Variants in GRM4 observed in about 807,000 individuals in gnomAD.
GRM4 encodes metabotropic glutamate receptor 4.
In GRM4, 28 loss-of-function variants were observed where a neutral mutation model predicts 81.7. That is an observed-to-expected ratio of 0.34 (90% CI 0.25 to 0.47). The LOEUF is 0.47. Ranked by LOEUF, GRM4 falls within the 20% of genes least tolerant of loss-of-function variation. The pLI is 1.00. For missense variants in GRM4, 948 were observed against 1,290.0 expected (o/e 0.73, Z 4.06); for synonymous variants, 488 against 528.8 (o/e 0.92, Z 1.06).
At chr6:34,082,724 G>A (rs1189184240) in intron 3 of GRM4, among the ~76,000 whole-genome samples, 10 of 152,258 alleles carry the variant, frequency 6.6e-5, no homozygotes, top group East Asian at 1.9e-4. Flanking sequence ...GGCAAGCACC[G>A]TATAGGTATT....
rs57261136 is a variant in GRM4, at chr6:34,131,975, G to GCA, written c.519+1001_519+1002dup. ...CAAACATGCACAAACACACACACAT[G>GCA]CACACACACACACACACAGAGCAAA... On this transcript the variant is annotated intron_variant, in intron 2 of 10. Coordinates refer to ENST00000538487, the MANE Select transcript of GRM4 (RefSeq NM_000841.4). 2.7e-3 allele frequency among the ~76,000 whole-genome samples: 398 copies of GCA among 149,508 alleles called. 7 individuals carry two copies. The highest frequency in any genetic ancestry group is 1.8e-3 in the African/African-American group (73 of 40,900).
intron 3 of GRM4, among the ~76,000 whole-genome samples, chr6:34,091,339 G>C (rs1330398268): frequency 1.3e-5 from 2 of 152,160 alleles, no homozygotes; most frequent in African/African-American, 2.4e-5. Flanking sequence ...GTACGAGGGG[G>C]AGACCTCGAG....
intron 1 of GRM4, among the ~76,000 whole-genome samples, chr6:34,137,304 G>A (rs1478305883): frequency 6.6e-6 from 1 of 152,238 alleles, no homozygotes; most frequent in African/African-American, 2.4e-5. Context: ...GCCAGGCATG[G>A]AGGAATGAGA....
At position 34,074,537 on chromosome 6, in the gene GRM4, CAGGAG is replaced by C; in HGVS notation, c.737-12514_737-12510del. ...AGAGCTGAGCCCTGCCGTCCCCTGC[CAGGAG>C]AGGAGGCTGCTGGGCGGCGCAGGCA... On this transcript the variant is annotated intron_variant, in intron 3 of 10. Coordinates refer to ENST00000538487, the MANE Select transcript of GRM4 (RefSeq NM_000841.4). This position sits in a 1 kb window ranked among gnomAD's most constrained non-coding sequence, Gnocchi z 4.9. Among the ~76,000 whole-genome samples, 1 of 139,806 alleles carries C rather than the reference CAGGAG, an allele frequency of 7.2e-6. No individual in the cohort carries two copies. Among genetic ancestry groups the C allele is most frequent in the East Asian group, 2.0e-4 (1 of 4,890 alleles). 91.7% of individuals were successfully genotyped at this position (139,806 alleles called of 152,430 possible).
At position 34,019,116 on chromosome 6, in the gene GRM4, C is replaced by T. The variant is rs529327610; in HGVS notation, c.*3705G>A. On this transcript the variant is annotated 3_prime_UTR_variant, in exon 11 of 11. Transcript: ENST00000538487. ...AGTGTGGGGGCAGCTGGCATGTGGCCCACTGAGACCTCTGTCCTGCCTGGC... is the reference window on the plus strand; with the variant it reads ...AGTGTGGGGGCAGCTGGCATGTGGCTCACTGAGACCTCTGTCCTGCCTGGC... 4 of 152,510 alleles carry T rather than the reference C, an allele frequency of 2.6e-5. No homozygotes were observed. The East Asian group carries it at 7.7e-4, about 29-fold the overall frequency. The allele number at this position is 152,510 out of a possible 1,614,324, so 9.4% of individuals were successfully genotyped here.
rs1245540610 is a variant in GRM4, at chr6:34,070,631, G to C, written c.737-8603C>G. Among the ~76,000 whole-genome samples, 1 of 152,008 alleles carries C rather than the reference G, an allele frequency of 6.6e-6. No homozygotes were observed. Among genetic ancestry groups the C allele is most frequent in the South Asian group, 2.1e-4 (1 of 4,820 alleles). Reference sequence around the variant, plus strand: ...AGGAGGGCAGGAGCTCGGAGGACAGGGGCCTCATCACTTAGCCAGGCCAGG... The same window carrying C: ...AGGAGGGCAGGAGCTCGGAGGACAGCGGCCTCATCACTTAGCCAGGCCAGG... On this transcript the variant is annotated intron_variant, in intron 3 of 10. Coordinates refer to ENST00000538487, the MANE Select transcript of GRM4 (RefSeq NM_000841.4). This position sits in a 1 kb window ranked among gnomAD's most constrained non-coding sequence, Gnocchi z 4.6.
chr6:34,072,543 ACT>A (rs1308290504), intron 3 of GRM4, among the ~76,000 whole-genome samples: 2 of 152,158 alleles, frequency 1.3e-5, no homozygotes, highest in African/African-American at 4.8e-5. Flanking sequence ...CCACACACAG[ACT>A]CACACATCAC....
intron 6 of GRM4, among the ~76,000 whole-genome samples, chr6:34,046,707 G>A (rs1037273875): frequency 4.6e-5 from 7 of 152,146 alleles, no homozygotes; most frequent in African/African-American, 1.7e-4. Context: ...CTGGGGCAGC[G>A]ATAGCATCTG....
Position 34,090,080 on chromosome 6 carries a change from T to C in GRM4, c.736+1803A>G, listed in dbSNP as rs1001637870. 9.9e-5 allele frequency among the ~76,000 whole-genome samples: 15 copies of C among 152,186 alleles called. No individual in the cohort carries two copies. The highest frequency in any genetic ancestry group is 3.4e-4 in the African/African-American group (14 of 41,444). On this transcript the variant is annotated intron_variant, in intron 3 of 10. Coordinates refer to ENST00000538487, the MANE Select transcript of GRM4 (RefSeq NM_000841.4). The surrounding 1 kb of genome is among the most constrained non-coding windows in gnomAD (Gnocchi z 5.2). The stretch of plus-strand genomic sequence containing the variant: ...TCAGCCTCTCTGTGCCTGCACTTCC[T>C]CTCCTGCAAAATGGGGATGAGGCAG...
chr6:34,051,273 T>C (rs1460277041), intron 6 of GRM4, among the ~76,000 whole-genome samples: 5 of 152,230 alleles, frequency 3.3e-5, no homozygotes, highest in Admixed American at 3.3e-4. Flanking sequence ...AGTTGCCTCA[T>C]CTGTAATGTG....
chr6:34,088,605 G>A (rs751718461), intron 3 of GRM4, among the ~76,000 whole-genome samples: 2 of 152,198 alleles, frequency 1.3e-5, no homozygotes, highest in Non-Finnish European at 2.9e-5. Flanking sequence ...AGCTGGAGGA[G>A]ACAGGGTGTA....
chr6:34,123,915 G>T (rs1247568205), intron 2 of GRM4, among the ~76,000 whole-genome samples: 2 of 152,166 alleles, frequency 1.3e-5, no homozygotes, highest in African/African-American at 2.4e-5. Context: ...CTGGGGGCTG[G>T]GGGGAGTAAC....
At chr6:34,094,816 G>A (rs1263562241) in intron 2 of GRM4, among the ~76,000 whole-genome samples, 2 of 152,170 alleles carry the variant, frequency 1.3e-5, no homozygotes, top group African/African-American at 4.8e-5. Flanking sequence ...CTCAACCCGG[G>A]CCACACAGCC....
intron 1 of GRM4, among the ~76,000 whole-genome samples, chr6:34,139,393 T>C (rs1461274962): frequency 6.6e-6 from 1 of 152,178 alleles, no homozygotes; most frequent in Non-Finnish European, 1.5e-5. Context: ...CAGTGTAAAC[T>C]TGGAGCAGAA....
At chr6:34,044,327 T>G (rs1396851858) in intron 6 of GRM4, among the ~76,000 whole-genome samples, 9 of 63,546 alleles carry the variant, frequency 1.4e-4, no homozygotes, top group South Asian at 5.3e-4. Context: ...CAGACACACA[T>G]ACACACAGAC....
intron 8 of GRM4, among the ~76,000 whole-genome samples, chr6:34,038,549 TGGA>T (rs931115965): frequency 7.2e-5 from 11 of 152,148 alleles, no homozygotes; most frequent in Non-Finnish European, 1.6e-4. Context: ...CCTGAGACCC[TGGA>T]GGAGGACAGT....
At chr6:34,030,026 C>A (rs555139429) in intron 9 of GRM4, among the ~76,000 whole-genome samples, 1 of 152,346 alleles carries the variant, frequency 6.6e-6, no homozygotes, top group African/African-American at 2.4e-5. Flanking sequence ...TACACTCTCA[C>A]CCCTGGGCAT....
intron 2 of GRM4, among the ~76,000 whole-genome samples, chr6:34,127,978 A>G (rs1220804662): frequency 6.6e-6 from 1 of 152,208 alleles, no homozygotes; most frequent in African/African-American, 2.4e-5. Context: ...CCCAGGGGGC[A>G]CATGCAGCCC....
Position 34,036,160 on chromosome 6 carries a change from G to T in GRM4, c.1950C>A (p.Gly650=). 7.4e-6 allele frequency: 12 copies of T among 1,614,226 alleles called. No homozygotes were observed. The highest frequency in any genetic ancestry group is 9.3e-6 in the Non-Finnish European group (11 of 1,180,032). ...TFLMIAEPDL[G]TCSLRRIFLG... is the part of the protein sequence containing the mutation. ...GGAAGATTCGGCGCAGCGAGCAGGT[G>T]CCAAGGTCGGGCTCAGCGATCATGA... Residue 650 remains glycine (G), a synonymous_variant, in exon 9 of 11, where the codon GGC becomes GGA. Transcript: ENST00000538487. This position sits in a 1 kb window ranked among gnomAD's most constrained non-coding sequence, Gnocchi z 9.0.
Sources: gnomAD v4.1 joint callset for allele counts (sites outside exome capture counted in the v4.1 genomes callset) on GRCh38, gnomAD v4.1.1 for gene constraint, Gnocchi (gnomAD v3.1) non-coding constraint, MANE v1.5 for transcripts, NCBI Gene and HGNC (gene_info 2026-07-23, HGNC 2026-07-21) for gene names.